ITIH4: variants seen among roughly 807,000 people sequenced by gnomAD.
The protein encoded by ITIH4 is inter-alpha-trypsin inhibitor heavy chain H4.
ITIH4 carries 79 observed loss-of-function variants against 111.8 expected under a neutral mutation model. The ratio of observed to expected loss-of-function variants is 0.71; its 90% CI spans 0.59 to 0.85. ITIH4 has a LOEUF of 0.85. Among genes scored for constraint, ITIH4 ranks in the 40% least tolerant of loss-of-function variants. The pLI, the probability that ITIH4 is intolerant of heterozygous loss-of-function variation, is 0.00. For synonymous variants in ITIH4, 472 were observed against 468.3 expected (o/e 1.01, Z -0.10); for missense variants, 1,065 against 1,195.8 (o/e 0.89, Z 1.61).
chr3:52,824,886 C>T lies in ITIH4; in HGVS notation c.832G>A (p.Val278Ile), dbSNP rs1366987587. 6.2e-7 allele frequency: 1 copy of T among 1,614,130 alleles called. No individual in the cohort carries two copies. The highest frequency in any genetic ancestry group is 1.7e-4 in the Middle Eastern group (1 of 6,060). The change falls in exon 7 of 24, where the codon GTC becomes ATC. Residue 278 changes from valine to isoleucine, a missense_variant. Transcript: ENST00000266041. This position sits in a 1 kb window ranked among gnomAD's most constrained non-coding sequence, Gnocchi z 4.3. ...LTTMPKNVVF[V>I]IDKSGSMSGR... The stretch of plus-strand genomic sequence containing the variant: ...CTCATGGAGCCGCTCTTGTCAATGA[C>T]AAAGACCACATTCTTGGGCATTGTG...
At chr3:52,820,031 C>G in intron 14 of ITIH4, 41 bp from the exon 15 acceptor site, 3 of 1,595,528 alleles carry the variant, frequency 1.9e-6, no homozygotes, top group Non-Finnish European at 2.6e-6. Context: ...TTGCACCCAC[C>G]TTCCTGTGGC....
rs1700309854 is a variant in ITIH4 at position 52,818,042 on chromosome 3, CCT to C, written c.2296+8_2296+9del. ...TGGTGTCTGGGTCTCTCTGGGTGTG[CCT>C]CTCTCACCTTGCTCAGGGTCTGAGA... On this transcript the variant is annotated splice_region_variant and intron_variant, in intron 20 of 23. Coordinates refer to ENST00000266041, the MANE Select transcript of ITIH4 (RefSeq NM_002218.5). 1 of 1,600,194 alleles carries C rather than the reference CCT, an allele frequency of 6.2e-7. No homozygotes were observed. Among genetic ancestry groups the C allele is most frequent in the East Asian group, 2.2e-5 (1 of 44,810 alleles).
At position 52,824,175 on chromosome 3, in the gene ITIH4, G is replaced by A. The variant is rs199769677; in HGVS notation, c.1171+15C>T. On this transcript the variant is annotated intron_variant, in intron 9 of 23. Coordinates refer to ENST00000266041, the MANE Select transcript of ITIH4 (RefSeq NM_002218.5). This position sits in a 1 kb window ranked among gnomAD's most constrained non-coding sequence, Gnocchi z 4.3. ...CCTGTGCAGCACGTCCTGGAGTCAC[G>A]GGCAGGGCCCTCACCCACAGTGGGG... 1,243 of 1,612,262 alleles carry A rather than the reference G, an allele frequency of 7.7e-4. 1 individual carries two copies. The highest frequency in any genetic ancestry group is 9.9e-4 in the Non-Finnish European group (1,172 of 1,179,452).
At chr3:52,817,928 G>C in intron 20 of ITIH4, 124 bp downstream of exon 20, 1 of 788,642 alleles carries the variant, frequency 1.3e-6, no homozygotes. Flanking sequence ...TGGGAGGCAG[G>C]ACCATGCTAT....
rs1477366648 is a variant in ITIH4 at position 52,829,224 on chromosome 3, G to A, written c.146C>T (p.Ala49Val). 6.2e-7 allele frequency: 1 copy of A among 1,613,618 alleles called. No homozygotes were observed. Among genetic ancestry groups the A allele is most frequent in the African/African-American group, 1.3e-5 (1 of 75,040 alleles). ...CACTCGGCTGGTGACGACCGTGTGG[G>A]CAAATCGGGATGAGACCCTGGAGTC... ...TVDSRVSSRF[A>V]HTVVTSRVVN... The change falls in exon 2 of 24, where the codon GCC becomes GTC. Residue 49 changes from alanine (A) to valine (V), a missense_variant. Ala to Val is a moderately conservative substitution (Grantham distance 64, BLOSUM62 0). Coordinates refer to ENST00000266041, the MANE Select transcript of ITIH4 (RefSeq NM_002218.5).
intron 21 of ITIH4, among the ~76,000 whole-genome samples, chr3:52,815,767 A>G (rs1700270579): frequency 6.6e-6 from 1 of 151,150 alleles, no homozygotes; most frequent in South Asian, 2.1e-4. Flanking sequence ...AACTCAGCTC[A>G]CTGCAACCTC....
chr3:52,826,714 C>A, intron 4 of ITIH4, 63 bp from the exon 5 acceptor site: 1 of 1,611,672 alleles, frequency 6.2e-7, no homozygotes, highest in Non-Finnish European at 8.5e-7. Context: ...ACAGGAGGCT[C>A]AGGGACAAAG....
intron 2 of ITIH4, among the ~76,000 whole-genome samples, chr3:52,827,957 G>T (rs1197083627): frequency 6.6e-6 from 1 of 152,188 alleles, no homozygotes; most frequent in East Asian, 1.9e-4. Context: ...CAGTGGGCAG[G>T]AGGGGGAGCA....
chr3:52,820,850 C>A, intron 12 of ITIH4, 65 bp from the exon 13 acceptor site: 3 of 1,562,860 alleles, frequency 1.9e-6, no homozygotes, highest in Non-Finnish European at 2.6e-6. Flanking sequence ...TCCATCCAGC[C>A]CCTTCTGGGG....
Position 52,825,986 on chromosome 3 carries a change from G to C in ITIH4, c.659C>G (p.Ser220Cys), listed in dbSNP as rs35773092. The change falls in exon 6 of 24, where the codon TCC becomes TGC. Residue 220 changes from serine to cysteine, a missense_variant. Transcript: ENST00000266041. ...KAHIRFKPTL[S>C]QQQKSPEQQE... The stretch of plus-strand genomic sequence containing the variant: ...CTGCTCTGGGGACTTTTGCTGCTGG[G>C]AAAGTGTTGGCTTGAACCGGATGTG... 7.6e-5 allele frequency: 122 copies of C among 1,614,188 alleles called. No individual in the cohort carries two copies. In the African/African-American group the frequency reaches 1.4e-3, roughly 18 times the overall value.
At chr3:52,825,787 G>C (rs1700470383) in intron 6 of ITIH4, 99 bp downstream of exon 6, 2 of 1,377,240 alleles carry the variant, frequency 1.5e-6, no homozygotes, top group Non-Finnish European at 2.0e-6. Flanking sequence ...ACACTGCTAA[G>C]TAAGGGTGGT....
intron 2 of ITIH4, among the ~76,000 whole-genome samples, chr3:52,828,805 G>T (rs956301399): frequency 3.3e-5 from 5 of 152,148 alleles, no homozygotes; most frequent in Admixed American, 2.0e-4. Context: ...ACTCCCTCTT[G>T]CCTGGTCTGG....
chr3:52,825,089 C>T, intron 6 of ITIH4, 131 bp from the exon 7 acceptor site: 1 of 577,966 alleles, frequency 1.7e-6, no homozygotes, highest in South Asian at 2.6e-5. Context: ...TGCTAACCTC[C>T]CCAAAACCTT....
At chr3:52,827,587 C>A (rs2710344) in intron 2 of ITIH4, among the ~76,000 whole-genome samples, 16,573 of 152,220 alleles carry the variant, frequency 0.11, 2,780 homozygotes, top group African/African-American at 0.35. Flanking sequence ...TAGTTCATCA[C>A]CAGCAAGAGC....
intron 12 of ITIH4, 39 bp from the exon 13 acceptor site, chr3:52,820,824 A>C: frequency 1.9e-6 from 3 of 1,572,824 alleles, no homozygotes; most frequent in Non-Finnish European, 2.6e-6. Context: ...AGATCCTTGA[A>C]TTCGGGAACA....
At position 52,820,708 on chromosome 3, in the gene ITIH4, G is replaced by A. The variant is rs774234365; in HGVS notation, c.1757C>T (p.Thr586Met). ...LNLSLAYSFV[T>M]PLTSMVVTKP... ...GGTGACTACCATAGATGTGAGAGGC[G>A]TGACAAAGCTGTAGGCAAGTGATAA... The change falls in exon 13 of 24, where the codon ACG becomes ATG. Residue 586 changes from threonine to methionine, a missense_variant. By Grantham distance (81) the Thr-to-Met change is moderately conservative (BLOSUM62 -1). Transcript: ENST00000266041. 23 of 1,614,016 alleles carry A rather than the reference G, an allele frequency of 1.4e-5. No individual in the cohort carries two copies. The highest frequency in any genetic ancestry group is 1.0e-4 in the Admixed American group (6 of 60,002).
intron 11 of ITIH4, among the ~76,000 whole-genome samples, chr3:52,821,350 G>A (rs1040142648): frequency 2.0e-5 from 3 of 152,146 alleles, no homozygotes; most frequent in African/African-American, 7.2e-5. Context: ...AGGTAGCAAA[G>A]TAGCCCAGAT....
In ITIH4 at chr3:52,813,350, C is replaced by A. The variant is rs1003123336; in HGVS notation, c.*71G>T. On this transcript the variant is annotated 3_prime_UTR_variant, in exon 24 of 24. Coordinates refer to ENST00000266041, the MANE Select transcript of ITIH4 (RefSeq NM_002218.5). ...CTCTTCCTCCCCATGGTGGTCCAGG[C>A]CCCAGAAGCGGCCCTGCAGTTGCAG... is the stretch of plus-strand genomic sequence containing the variant. 1.5e-6 allele frequency: 2 copies of A among 1,328,662 alleles called. No individual in the cohort carries two copies. The highest frequency in any genetic ancestry group is 1.2e-5 in the South Asian group (1 of 85,300). 82.3% of individuals were successfully genotyped at this position (1,328,662 alleles called of 1,614,324 possible).
At chr3:52,829,428 C>A in intron 1 of ITIH4, 149 bp from the exon 2 acceptor site, 1 of 754,674 alleles carries the variant, frequency 1.3e-6, no homozygotes, top group Non-Finnish European at 2.1e-6. Context: ...CAGGCTGAAC[C>A]CAGTGAGGCA....
Sources: gnomAD v4.1 joint callset for allele counts (sites outside exome capture counted in the v4.1 genomes callset) on GRCh38, gnomAD v4.1.1 for gene constraint, Gnocchi (gnomAD v3.1) non-coding constraint, MANE v1.5 for transcripts, NCBI Gene and HGNC (gene_info 2026-07-23, HGNC 2026-07-21) for gene names.